Variants in FAT1 observed in about 807,000 individuals in gnomAD.
FAT1 encodes protocadherin Fat 1.
In FAT1, 171 loss-of-function variants were observed where a neutral mutation model predicts 329.8. The ratio of observed to expected loss-of-function variants is 0.52; its 90% CI spans 0.46 to 0.59. The LOEUF (loss-of-function observed/expected upper bound fraction) is 0.59, where lower values mean the gene tolerates loss of function less well. Ranked by LOEUF, FAT1 falls within the 20% of genes least tolerant of loss-of-function variation. The pLI is 0.00. For synonymous variants in FAT1, 2,233 were observed against 2,228.6 expected, an observed-to-expected ratio of 1.00 and a Z score of -0.06; for missense variants, 5,672 against 5,774.4, an observed-to-expected ratio of 0.98 and a Z score of 0.57.
intron 3 of FAT1, among the ~76,000 whole-genome samples, chr4:186,652,797 T>C (rs970077569): frequency 2.0e-5 from 3 of 152,154 alleles, no homozygotes; most frequent in Non-Finnish European, 4.4e-5. Context: ...TAAAATGCCA[T>C]TTACTCTGGT....
At chr4:186,656,961 C>A (rs1741931300) in intron 3 of FAT1, among the ~76,000 whole-genome samples, 2 of 152,018 alleles carry the variant, frequency 1.3e-5, no homozygotes, top group Non-Finnish European at 2.9e-5. Flanking sequence ...CAGATTTATG[C>A]TTTAACATAA....
chr4:186,708,017 T>C lies in FAT1; in HGVS notation c.1811A>G (p.Tyr604Cys), dbSNP rs372311748. The change falls in exon 2 of 27, where the codon TAT becomes TGT. Residue 604 changes from tyrosine to cysteine, a missense_variant. Coordinates refer to ENST00000441802, the MANE Select transcript of FAT1 (RefSeq NM_005245.4). ...CAGTTCATTTCCAGCTTCAATCTGA[T>C]ACTGTACCAACTGAAGTTCATCTGC... ...IDADELQLVQYQIEAGNELDF... is the reference protein window; with the variant it reads ...IDADELQLVQCQIEAGNELDF... 6.2e-6 allele frequency: 10 copies of C among 1,613,848 alleles called. No individual in the cohort carries two copies. The African/African-American group carries it at 6.7e-5, about 11-fold the overall frequency.
At chr4:186,638,413 G>C (rs568139477) in intron 4 of FAT1, among the ~76,000 whole-genome samples, 2 of 152,138 alleles carry the variant, frequency 1.3e-5, no homozygotes, top group South Asian at 2.1e-4. Context: ...CTTTGTCAGT[G>C]ACTGCATTTG....
In FAT1 at chr4:186,708,348, C is replaced by T. The variant is rs2126695752; in HGVS notation, c.1480G>A (p.Glu494Lys). 1 of 1,613,950 alleles carries T rather than the reference C, an allele frequency of 6.2e-7. No homozygotes were observed. Among genetic ancestry groups the T allele is most frequent in the Non-Finnish European group, 8.5e-7 (1 of 1,179,856 alleles). Residue 494 changes from glutamate to lysine, a missense_variant, in exon 2 of 27, where the codon GAG becomes AAG. Physicochemically the swap from Glu to Lys is moderately conservative, Grantham distance 56. This residue lies in a region of FAT1 where 3,966 missense variants were observed against 3,915.2 expected (regional missense o/e 1.01). Transcript: ENST00000441802. ...ATACTGTATGTCACGTACCCGTTCT[C>T]ACCCTCATCAGGGTCTACGGCACTC... ...SLSAVDPDEG[E>K]NGYVTYSIAN...
intron 3 of FAT1, among the ~76,000 whole-genome samples, chr4:186,662,839 T>C (rs1560975285): frequency 1.3e-5 from 2 of 148,274 alleles, no homozygotes; most frequent in African/African-American, 5.2e-5. Flanking sequence ...ACATTTAAGC[T>C]AATTTTTTTT....
chr4:186,719,623 C>T (rs963797366), intron 1 of FAT1, among the ~76,000 whole-genome samples: 4 of 152,216 alleles, frequency 2.6e-5, no homozygotes, highest in South Asian at 2.1e-4. Flanking sequence ...GAACCTAGCT[C>T]CAGCTTTGTC....
chr4:186,718,811 C>G (rs188210184), intron 1 of FAT1, among the ~76,000 whole-genome samples: 194 of 152,312 alleles, frequency 1.3e-3, no homozygotes, highest in African/African-American at 4.6e-3. Flanking sequence ...TTCCTTAGAA[C>G]TCCCTCTCCG....
chr4:186,624,271 G>A (rs1328715474), intron 9 of FAT1, among the ~76,000 whole-genome samples: 2 of 151,722 alleles, frequency 1.3e-5, no homozygotes, highest in Non-Finnish European at 2.9e-5. Flanking sequence ...TAGACAAACA[G>A]GCTAATTTTT....
intron 6 of FAT1, among the ~76,000 whole-genome samples, chr4:186,634,608 T>C (rs1416827166): frequency 6.8e-6 from 1 of 147,920 alleles, no homozygotes; most frequent in Non-Finnish European, 1.5e-5. Flanking sequence ...ATGCGCACAC[T>C]ATGAAAAAAA....
intron 11 of FAT1, among the ~76,000 whole-genome samples, chr4:186,615,308 C>T (rs1739661339): frequency 6.6e-6 from 1 of 152,102 alleles, no homozygotes; most frequent in South Asian, 2.1e-4. Flanking sequence ...TTCCCCTTCC[C>T]CTCATGACTG....
chr4:186,695,619 C>T (rs1241842388), intron 2 of FAT1, among the ~76,000 whole-genome samples: 2 of 152,024 alleles, frequency 1.3e-5, no homozygotes, highest in African/African-American at 2.4e-5. Context: ...TGGCTGGATG[C>T]CTAGATGCCA....
intron 2 of FAT1, among the ~76,000 whole-genome samples, chr4:186,697,145 T>G (rs148167170): frequency 0.012 from 1,875 of 152,300 alleles, 17 homozygotes; most frequent in Admixed American, 0.02. Flanking sequence ...ACTAGTGGTG[T>G]GGCATTAAGG....
chr4:186,642,812 T>A (rs553218021), intron 3 of FAT1, among the ~76,000 whole-genome samples: 1 of 152,174 alleles, frequency 6.6e-6, no homozygotes, highest in South Asian at 2.1e-4. Context: ...AGTGGGCCTA[T>A]AAAAACGGTA....
At chr4:186,624,757 C>T (rs1168699130) in intron 9 of FAT1, among the ~76,000 whole-genome samples, 3 of 152,168 alleles carry the variant, frequency 2.0e-5, no homozygotes, top group Non-Finnish European at 4.4e-5. Flanking sequence ...TAATCTGACA[C>T]AAATTAGAAG....
rs550232591 is a variant in FAT1, at chr4:186,623,440, T to A, written c.4811-1665A>T. Among the ~76,000 whole-genome samples, 27 of 152,318 alleles carry A rather than the reference T, an allele frequency of 1.8e-4. 1 individual carries two copies. The South Asian group carries it at 5.6e-3, about 32-fold the overall frequency. On this transcript the variant is annotated intron_variant, in intron 9 of 26. Transcript: ENST00000441802. ...AGGAGACTGGGGCAGCCATGGTGACTCTCTTCATCCCTGCCCCTCAGACTT... is the reference window on the plus strand; with the variant it reads ...AGGAGACTGGGGCAGCCATGGTGACACTCTTCATCCCTGCCCCTCAGACTT...
intron 1 of FAT1, among the ~76,000 whole-genome samples, chr4:186,714,270 G>GCA (rs35272923): frequency 0.76 from 114,988 of 151,258 alleles, 44,304 homozygotes; most frequent in African/African-American, 0.81. Context: ...GTTGCCTGAT[G>GCA]CTGGAGTGGG....
In FAT1 at chr4:186,596,056, C is replaced by T. The variant is rs114747729; in HGVS notation, c.13001-230G>A. 0.017 allele frequency among the ~76,000 whole-genome samples: 2,639 copies of T among 152,140 alleles called. 94 individuals are homozygous for T. The highest frequency in any genetic ancestry group is 0.061 in the African/African-American group (2,510 of 41,476). On this transcript the variant is annotated intron_variant, in intron 25 of 26. Coordinates refer to ENST00000441802, the MANE Select transcript of FAT1 (RefSeq NM_005245.4). The surrounding 1 kb of genome is among the most constrained non-coding windows in gnomAD (Gnocchi z 4.7). ...AGATTATTCATAGAGTAGAAATCGC[C>T]CATAAGCATGCCTATGGGTATCATT...
chr4:186,690,875 T>C (rs1560995262), intron 2 of FAT1, among the ~76,000 whole-genome samples: 1 of 152,232 alleles, frequency 6.6e-6, no homozygotes, highest in Non-Finnish European at 1.5e-5. Context: ...GTTAAAGGTC[T>C]CATTAATACT....
chr4:186,624,398 C>T (rs537300696), intron 9 of FAT1, among the ~76,000 whole-genome samples: 14 of 152,242 alleles, frequency 9.2e-5, no homozygotes, highest in South Asian at 2.1e-4. Context: ...TGGCACCCTC[C>T]GTTGACTCTC....
Sources: allele counts gnomAD v4.1 joint callset (sites outside exome capture counted in the v4.1 genomes callset), GRCh38; gene constraint gnomAD v4.1.1; regional missense constraint gnomAD v4.1.1; non-coding constraint Gnocchi (gnomAD v3.1); transcripts MANE v1.5; gene names NCBI Gene and HGNC (gene_info 2026-07-23, HGNC 2026-07-21).